Variants in EP400 observed in about 807,000 individuals in gnomAD.
EP400 encodes the protein E1A binding protein p400.
In EP400, 105 loss-of-function variants were observed where a neutral mutation model predicts 354.1. The ratio of observed to expected loss-of-function variants is 0.30; its 90% confidence interval spans 0.25 to 0.35. The LOEUF (loss-of-function observed/expected upper bound fraction) is 0.35. EP400 is among the 10% of genes least tolerant of loss of function. The pLI, the probability that EP400 is intolerant of heterozygous loss-of-function variation, is 1.00. For missense variants in EP400, 3,280 were observed against 4,121.0 expected, an observed-to-expected ratio of 0.80 and a Z score of 5.59; for synonymous variants, 1,646 against 1,716.9, an observed-to-expected ratio of 0.96 and a Z score of 1.02.
At chr12:132,031,515 A>G (rs752252949) in intron 29 of EP400, among the ~76,000 whole-genome samples, 12 of 152,210 alleles carry the variant, frequency 7.9e-5, no homozygotes, top group South Asian at 2.1e-4. Flanking sequence ...TTGCTTTAAC[A>G]TGAGCCTCGT....
chr12:132,013,729 T>C lies in EP400; in HGVS notation c.3787-48T>C, dbSNP rs757910251. 2 of 1,610,824 alleles carry C rather than the reference T, an allele frequency of 1.2e-6. No homozygotes were observed. Among genetic ancestry groups the C allele is most frequent in the Non-Finnish European group, 1.7e-6 (2 of 1,178,384 alleles). ...TGCGTATGCCTTGTTATAAACGTGT[T>C]ACAGCAGCATTTTTGGAAAGAAAAC... On this transcript the variant is annotated intron_variant, in intron 18 of 52. Coordinates refer to ENST00000389561, the MANE Select transcript of EP400 (RefSeq NM_015409.5). The surrounding 1 kb of genome is among the most constrained non-coding windows in gnomAD (Gnocchi z 4.5).
chr12:132,007,318 C>G (rs144736618), intron 15 of EP400, among the ~76,000 whole-genome samples: 2 of 152,390 alleles, frequency 1.3e-5, no homozygotes, highest in East Asian at 3.9e-4. Context: ...GTCCCTCTTG[C>G]TGGATTTCAC....
intron 30 of EP400, among the ~76,000 whole-genome samples, chr12:132,036,538 C>G (rs1187030670): frequency 6.6e-6 from 1 of 152,264 alleles, no homozygotes; most frequent in Non-Finnish European, 1.5e-5. Context: ...GCAGGCCACC[C>G]TCCCTGAAGC....
At chr12:131,993,878 C>A (rs1893122757) in intron 11 of EP400, among the ~76,000 whole-genome samples, 1 of 152,332 alleles carries the variant, frequency 6.6e-6, no homozygotes, top group Non-Finnish European at 1.5e-5. Flanking sequence ...TGGTGCTCAA[C>A]TGTATTGAAA....
chr12:131,950,670 C>T (rs952114177), intron 1 of EP400, among the ~76,000 whole-genome samples: 1 of 152,198 alleles, frequency 6.6e-6, no homozygotes, highest in African/African-American at 2.4e-5. Context: ...CCCGGGGGCG[C>T]CTCTCGTCAC....
intron 22 of EP400, among the ~76,000 whole-genome samples, 162 bp from the exon 23 acceptor site, chr12:132,020,917 C>T (rs1464306482): frequency 1.3e-5 from 2 of 152,212 alleles, no homozygotes; most frequent in South Asian, 4.1e-4. Context: ...ATTTCTCTCA[C>T]CCTGTAAACT....
Position 132,032,209 on chromosome 12 carries a change from G to A in EP400, c.5951+60G>A, listed in dbSNP as rs906736483. 2.6e-6 allele frequency: 4 copies of A among 1,516,074 alleles called. No homozygotes were observed. In the African/African-American group the frequency reaches 5.6e-5, roughly 21 times the overall value. 93.9% of individuals were successfully genotyped at this position (1,516,074 alleles called of 1,614,324 possible). On this transcript the variant is annotated intron_variant, in intron 30 of 52. Transcript: ENST00000389561. ...AAAGACATCCACATATACAGGTGAG[G>A]GCCTGCGGGGATGGCCGCGTGGAAA...
chr12:131,967,526 T>TAA (rs948291181), intron 2 of EP400, among the ~76,000 whole-genome samples: 3 of 142,758 alleles, frequency 2.1e-5, no homozygotes, highest in African/African-American at 5.1e-5. Flanking sequence ...CATCTCTACT[T>TAA]AAAAAAAAAA....
intron 2 of EP400, among the ~76,000 whole-genome samples, chr12:131,975,300 C>A (rs1008059381): frequency 6.6e-6 from 1 of 152,186 alleles, no homozygotes; most frequent in African/African-American, 2.4e-5. Context: ...ATGTAGATAT[C>A]CAGTTTTCTA....
At position 131,986,417 on chromosome 12, in the gene EP400, G is replaced by A. The variant is rs1892855651; in HGVS notation, c.1930-97G>A. 1.2e-5 allele frequency: 15 copies of A among 1,243,126 alleles called. No individual in the cohort carries two copies. In the South Asian group the frequency reaches 2.2e-4, roughly 18 times the overall value. The allele number at this position is 1,243,126 out of a possible 1,614,324, so 77.0% of individuals were successfully genotyped here. ...TCGTGGAGCGGAAGGTGCTGGCAGT[G>A]CGCGTCTCTGGTGCTGTGGGCGCTC... On this transcript the variant is annotated intron_variant, in intron 5 of 52. Coordinates refer to ENST00000389561, the MANE Select transcript of EP400 (RefSeq NM_015409.5).
At chr12:131,992,845 T>A (rs1893084838) in intron 11 of EP400, among the ~76,000 whole-genome samples, 1 of 152,194 alleles carries the variant, frequency 6.6e-6, no homozygotes, top group African/African-American at 2.4e-5. Context: ...GCCTGCAGTT[T>A]CTCCTTCGGC....
chr12:132,066,711 T>A, intron 48 of EP400, 63 bp from the exon 49 acceptor site: 1 of 1,501,426 alleles, frequency 6.7e-7, no homozygotes, highest in Non-Finnish European at 9.0e-7. Context: ...TGTGGAGAAG[T>A]ATTTGGAAAG....
At chr12:131,986,456 C>T (rs1244069389) in intron 5 of EP400, 58 bp from the exon 6 acceptor site, 93 of 1,523,770 alleles carry the variant, frequency 6.1e-5, no homozygotes, top group Non-Finnish European at 7.4e-5. Flanking sequence ...TATTTGGCAC[C>T]GTGGGCTGCC....
chr12:132,020,266 G>A, intron 22 of EP400, 48 bp downstream of exon 22: 1 of 1,525,734 alleles, frequency 6.6e-7, no homozygotes, highest in South Asian at 1.3e-5. Context: ...AGGTTTTTGT[G>A]GGACAAGTTC....
chr12:132,059,028 A>T (rs996336213), intron 45 of EP400, among the ~76,000 whole-genome samples: 3 of 152,192 alleles, frequency 2.0e-5, no homozygotes, highest in African/African-American at 7.2e-5. Flanking sequence ...AACTGAAGTT[A>T]TTGGATAAAA....
intron 51 of EP400, among the ~76,000 whole-genome samples, chr12:132,073,777 C>G (rs1896138862): frequency 6.6e-6 from 1 of 151,566 alleles, no homozygotes. Flanking sequence ...TCATCTTTGA[C>G]TTTTTATGTG....
At position 132,044,684 on chromosome 12, in the gene EP400, A is replaced by C; in HGVS notation, c.6599A>C (p.Glu2200Ala). ...EDAYSMEYVY[E>A]DVDGQTEVMP... ...TGTTCCCTACAGGAGTATGTCTACG[A>C]AGATGTCGATGGGCAGACAGAAGTC... Residue 2200 changes from glutamate to alanine, a missense_variant, in exon 36 of 53, where the codon GAA becomes GCA. Physicochemically the swap from Glu to Ala is moderately radical, Grantham distance 107. Coordinates refer to ENST00000389561, the MANE Select transcript of EP400 (RefSeq NM_015409.5). 1 of 1,614,182 alleles carries C rather than the reference A, an allele frequency of 6.2e-7. No homozygotes were observed. Among genetic ancestry groups the C allele is most frequent in the Non-Finnish European group, 8.5e-7 (1 of 1,180,032 alleles).
At chr12:131,967,569 A>G (rs2136473813) in intron 2 of EP400, among the ~76,000 whole-genome samples, 1 of 151,636 alleles carries the variant, frequency 6.6e-6, no homozygotes, top group African/African-American at 2.4e-5. Flanking sequence ...GTGCCGCTGT[A>G]GTCCCAGCTA....
chr12:131,981,635 C>T (rs931620434), intron 4 of EP400, 39 bp downstream of exon 4: 4 of 1,536,070 alleles, frequency 2.6e-6, no homozygotes, highest in African/African-American at 1.4e-5. Context: ...CGCTCAGGAG[C>T]AGGCAGCACA....
Sources: allele counts gnomAD v4.1 joint callset (sites outside exome capture counted in the v4.1 genomes callset), GRCh38; gene constraint gnomAD v4.1.1; non-coding constraint Gnocchi (gnomAD v3.1); transcripts MANE v1.5; gene names NCBI Gene and HGNC (gene_info 2026-07-23, HGNC 2026-07-21).